Variants in BTN3A2 observed in about 807,000 individuals in gnomAD.
BTN3A2 encodes the protein butyrophilin subfamily 3 member A2.
In BTN3A2, 25 loss-of-function variants were observed where a neutral mutation model predicts 37.6. The observed-to-expected ratio is 0.66, with a 90% confidence interval of 0.48 to 0.93. The LOEUF (loss-of-function observed/expected upper bound fraction) is 0.93. Among genes scored for constraint, BTN3A2 ranks in the 40% least tolerant of loss-of-function variants. BTN3A2 has a pLI of 0.00. For synonymous variants in BTN3A2, 122 were observed against 159.4 expected (o/e 0.77, Z 1.77); for missense variants, 266 against 410.9 (o/e 0.65, Z 3.05).
chr6:26,367,504 C>A (rs771990402), intron 1 of BTN3A2, among the ~76,000 whole-genome samples: 1 of 152,338 alleles, frequency 6.6e-6, no homozygotes, highest in East Asian at 1.9e-4. Flanking sequence ...TACCTATTGT[C>A]TACCCTCTTT....
chr6:26,367,195 A>T (rs1253831539), intron 1 of BTN3A2, among the ~76,000 whole-genome samples: 1 of 152,170 alleles, frequency 6.6e-6, no homozygotes, highest in African/African-American at 2.4e-5. Flanking sequence ...CACTCTTTTT[A>T]ACTGCTGCAT....
chr6:26,368,615 G>A lies in BTN3A2; in HGVS notation c.136G>A (p.Glu46Lys). Reference protein sequence around the residue: ...PSGPILAMVGEDADLPCHLFP... With the variant: ...PSGPILAMVGKDADLPCHLFP... ...TGGGCCCATCCTGGCCATGGTGGGTGAAGACGCTGATCTGCCCTGTCACCT... is the reference window on the plus strand; with the variant it reads ...TGGGCCCATCCTGGCCATGGTGGGTAAAGACGCTGATCTGCCCTGTCACCT... The change falls in exon 4 of 11, where the codon GAA (glutamate) becomes AAA (lysine). Residue 46 changes from glutamate to lysine, a missense_variant. By Grantham distance (56) the Glu-to-Lys change is moderately conservative. This residue lies in a region of BTN3A2 where 47 missense variants were observed against 77.3 expected (regional missense o/e 0.61). Transcript: ENST00000377708. 2 of 1,614,054 alleles carry A rather than the reference G, an allele frequency of 1.2e-6. No homozygotes were observed. The highest frequency in any genetic ancestry group is 1.7e-6 in the Non-Finnish European group (2 of 1,179,872).
At chr6:26,370,711 G>A (rs899119366) in intron 5 of BTN3A2, 108 bp downstream of exon 5, 1 of 1,542,156 alleles carries the variant, frequency 6.5e-7, no homozygotes. Flanking sequence ...TGAATATAAG[G>A]CCCAAAGCAC....
chr6:26,376,777 A>G lies in BTN3A2; in HGVS notation c.*1015A>G. ...GAAGTGGGGGACAGAAAAGAGTGGC[A>G]TATTGGGGTATGTAGTAAGAACGTG... On this transcript the variant is annotated 3_prime_UTR_variant, in exon 11 of 11. Coordinates refer to ENST00000377708, the MANE Select transcript of BTN3A2 (RefSeq NM_007047.5). The G allele has an allele frequency of 3.1e-6, 5 of 1,611,244 alleles. No homozygotes were observed. Among genetic ancestry groups the G allele is most frequent in the Non-Finnish European group, 4.2e-6 (5 of 1,177,472 alleles).
intron 1 of BTN3A2, among the ~76,000 whole-genome samples, chr6:26,366,322 A>C (rs1429854655): frequency 1.3e-5 from 2 of 152,178 alleles, no homozygotes; most frequent in African/African-American, 2.4e-5. Flanking sequence ...TTTTTTCTTC[A>C]ACACTAACTT....
At chr6:26,373,153 A>T in intron 6 of BTN3A2, 56 bp downstream of exon 6, 1 of 1,569,288 alleles carries the variant, frequency 6.4e-7, no homozygotes, top group Non-Finnish European at 8.7e-7. Flanking sequence ...CAGCCTGAAA[A>T]CCTCACCTCT....
intron 5 of BTN3A2, among the ~76,000 whole-genome samples, chr6:26,371,530 A>G (rs1326515174): frequency 6.6e-6 from 1 of 152,224 alleles, no homozygotes; most frequent in Non-Finnish European, 1.5e-5. Flanking sequence ...GATGTGCATT[A>G]GGTCAACCTC....
At chr6:26,366,216 T>C (rs906509870) in intron 1 of BTN3A2, among the ~76,000 whole-genome samples, 5 of 78,714 alleles carry the variant, frequency 6.4e-5, no homozygotes, top group Non-Finnish European at 1.1e-4. Flanking sequence ...TTTTTAAAAC[T>C]CTTTATTTTG....
intron 10 of BTN3A2, 93 bp downstream of exon 10, chr6:26,374,891 A>C (rs1294526225): frequency 7.4e-7 from 1 of 1,359,232 alleles, no homozygotes; most frequent in Non-Finnish European, 1.0e-6. Flanking sequence ...GATTTGGAGC[A>C]GAAAAGTTCC....
chr6:26,372,318 A>G (rs538627309), intron 5 of BTN3A2, among the ~76,000 whole-genome samples: 4 of 152,338 alleles, frequency 2.6e-5, no homozygotes, highest in East Asian at 1.9e-4. Context: ...CAGGCACTTT[A>G]TAAGTATTAA....
chr6:26,369,191 C>T (rs1234200343), intron 4 of BTN3A2, among the ~76,000 whole-genome samples: 1 of 152,140 alleles, frequency 6.6e-6, no homozygotes, highest in Non-Finnish European at 1.5e-5. Context: ...CATAAGAAAC[C>T]ATCTCTTCAG....
intron 5 of BTN3A2, 88 bp from the exon 6 acceptor site, chr6:26,372,809 C>A: frequency 2.0e-6 from 3 of 1,516,090 alleles, no homozygotes; most frequent in Non-Finnish European, 1.8e-6. Context: ...CACCCCCGAC[C>A]TGAGCTGAGC....
intron 5 of BTN3A2, among the ~76,000 whole-genome samples, chr6:26,372,390 T>C (rs1396736042): frequency 6.6e-6 from 1 of 152,192 alleles, no homozygotes; most frequent in Admixed American, 6.5e-5. Flanking sequence ...ATTAGTAGAT[T>C]AGGCCACTAC....
chr6:26,370,686 C>T (rs943226054), intron 5 of BTN3A2, 83 bp downstream of exon 5: 66 of 1,580,620 alleles, frequency 4.2e-5, no homozygotes, highest in Middle Eastern at 3.4e-4. Flanking sequence ...CTGTGGTCGA[C>T]CTGGGTCTCT....
intron 8 of BTN3A2, chr6:26,373,771 T>C (rs959901074): frequency 1.3e-5 from 3 of 229,738 alleles, no homozygotes; most frequent in Non-Finnish European, 8.3e-6. Flanking sequence ...CTAGAGGCTG[T>C]TGAAAGGAAA....
At position 26,370,323 on chromosome 6, in the gene BTN3A2, A is replaced by G. The variant is rs1291203247; in HGVS notation, c.435A>G (p.Ala145=). The G allele has an allele frequency of 1.2e-6, 2 of 1,613,996 alleles. No individual in the cohort carries two copies. The highest frequency in any genetic ancestry group is 1.7e-6 in the Non-Finnish European group (2 of 1,179,878). Residue 145 remains alanine, a splice_region_variant and synonymous_variant, in exon 5 of 11, where the codon GCA becomes GCG. Transcript: ENST00000377708. ...EKALVELKVA[A]LGSNLHVEVK... ...TTAGGCCAAATTATCCTTCCACAGC[A>G]CTGGGTTCTAATCTTCACGTCGAAG...
chr6:26,370,824 A>G (rs1033225044), intron 5 of BTN3A2, among the ~76,000 whole-genome samples: 3 of 152,220 alleles, frequency 2.0e-5, no homozygotes, highest in African/African-American at 7.2e-5. Flanking sequence ...AGAAAGTATG[A>G]CAGGCAATGG....
chr6:26,373,998 C>G (rs112117486), intron 8 of BTN3A2: 1 of 256,800 alleles, frequency 3.9e-6, no homozygotes, highest in Non-Finnish European at 7.2e-6. Context: ...GAATCTTGTA[C>G]TCCTAGGCAT....
chr6:26,377,945 G>A lies in BTN3A2; in HGVS notation c.*2183G>A, dbSNP rs565734717. Reference sequence around the variant, plus strand: ...AGAGGCCACACTCAGTTAATAATGGGGCACAGATGTGTTCCCACCCAACAA... The same window carrying A: ...AGAGGCCACACTCAGTTAATAATGGAGCACAGATGTGTTCCCACCCAACAA... On this transcript the variant is annotated 3_prime_UTR_variant, in exon 11 of 11. Coordinates refer to ENST00000377708, the MANE Select transcript of BTN3A2 (RefSeq NM_007047.5). 2 of 152,274 alleles carry A rather than the reference G, an allele frequency of 1.3e-5. No individual in the cohort carries two copies. The highest frequency in any genetic ancestry group is 1.9e-4 in the East Asian group (1 of 5,202). The allele number at this position is 152,274 out of a possible 1,614,324, so 9.4% of individuals were successfully genotyped here.
Sources: allele counts gnomAD v4.1 joint callset (sites outside exome capture counted in the v4.1 genomes callset), GRCh38; gene constraint gnomAD v4.1.1; regional missense constraint gnomAD v4.1.1; transcripts MANE v1.5; gene names NCBI Gene and HGNC (gene_info 2026-07-23, HGNC 2026-07-21).